The following DNAH9 variants were observed in gnomAD, a reference collection of about 807,000 sequenced individuals.
DNAH9 encodes the protein DNAH9 variant protein.
Under a neutral mutation model 471.6 loss-of-function variants are expected in DNAH9, and 345 were observed. The observed-to-expected ratio is 0.73, with a 90% confidence interval of 0.67 to 0.80. DNAH9 has a LOEUF of 0.80. Ranked by LOEUF, DNAH9 falls within the 30% of genes least tolerant of loss-of-function variation. DNAH9 has a pLI of 0.00. For missense variants in DNAH9, 5,407 were observed against 5,609.2 expected, an observed-to-expected ratio of 0.96 and a Z score of 1.15; for synonymous variants, 2,093 against 2,123.6, an observed-to-expected ratio of 0.99 and a Z score of 0.40.
intron 27 of DNAH9, among the ~76,000 whole-genome samples, chr17:11,725,380 C>T (rs1360564607): frequency 3.9e-5 from 6 of 152,170 alleles, no homozygotes; most frequent in Non-Finnish European, 8.8e-5. Flanking sequence ...TGTCTGTTTT[C>T]CTTATGGGAA....
intron 15 of DNAH9, among the ~76,000 whole-genome samples, chr17:11,667,188 G>T (rs950065768): frequency 3.3e-5 from 5 of 152,080 alleles, no homozygotes; most frequent in African/African-American, 1.2e-4. Context: ...ATGCAACTTT[G>T]TCTATTAATT....
chr17:11,683,700 C>A (rs1005452434), intron 19 of DNAH9, among the ~76,000 whole-genome samples: 14 of 151,870 alleles, frequency 9.2e-5, no homozygotes, highest in Non-Finnish European at 2.1e-4. Flanking sequence ...GTTTTTCTTT[C>A]TTTGCACTTG....
At chr17:11,730,628 G>A (rs566250049) in intron 28 of DNAH9, among the ~76,000 whole-genome samples, 1 of 152,136 alleles carries the variant, frequency 6.6e-6, no homozygotes, top group Non-Finnish European at 1.5e-5. Flanking sequence ...GTTAATAATA[G>A]CACCTCCTTG....
At chr17:11,657,516 T>C (rs2073674308) in intron 14 of DNAH9, among the ~76,000 whole-genome samples, 1 of 152,092 alleles carries the variant, frequency 6.6e-6, no homozygotes, top group African/African-American at 2.4e-5. Flanking sequence ...TATATTCTTA[T>C]TGATATATGT....
chr17:11,753,540 G>A (rs1215193576), intron 33 of DNAH9, among the ~76,000 whole-genome samples: 3 of 152,128 alleles, frequency 2.0e-5, no homozygotes, highest in African/African-American at 4.8e-5. Context: ...TGTGGCAAGC[G>A]CCTGTAATCC....
rs940249693 is a variant in DNAH9, at chr17:11,892,355, T to G, written c.11283+408T>G. 2.0e-5 allele frequency among the ~76,000 whole-genome samples: 3 copies of G among 152,146 alleles called. No homozygotes were observed. Among genetic ancestry groups the G allele is most frequent in the Admixed American group, 2.0e-4 (3 of 15,270 alleles). ...GTTTATTTACCTTTAGACTGCAAGT[T>G]TACTGATGCAGCCATCCCCCGGGAT... On this transcript the variant is annotated intron_variant, in intron 58 of 68. Transcript: ENST00000262442. The surrounding 1 kb of genome is among the most constrained non-coding windows in gnomAD (Gnocchi z 4.3).
intron 62 of DNAH9, among the ~76,000 whole-genome samples, chr17:11,924,906 G>T (rs1465638423): frequency 1.3e-5 from 2 of 152,132 alleles, no homozygotes; most frequent in East Asian, 3.9e-4. Context: ...TTACAGGCAT[G>T]AGCCACTGCG....
rs563528221 is a variant in DNAH9, at chr17:11,888,194, C to T, written c.11112+1229C>T. Among the ~76,000 whole-genome samples, 5 of 151,984 alleles carry T rather than the reference C, an allele frequency of 3.3e-5. No homozygotes were observed. The South Asian group carries it at 6.2e-4, about 19-fold the overall frequency. On this transcript the variant is annotated intron_variant, in intron 57 of 68. Transcript: ENST00000262442. ...AGAGACGGGGTTTCACTGTGTTAGC[C>T]AGGATGGTCTCGATCTCCGGACTTC...
At chr17:11,867,008 G>A (rs1031688955) in intron 50 of DNAH9, among the ~76,000 whole-genome samples, 4 of 152,212 alleles carry the variant, frequency 2.6e-5, no homozygotes, top group Admixed American at 6.5e-5. Flanking sequence ...TTCAGCTCGC[G>A]CATGGTGCGC....
chr17:11,964,457 A>C (rs1223100886), intron 68 of DNAH9, among the ~76,000 whole-genome samples: 5 of 152,220 alleles, frequency 3.3e-5, no homozygotes, highest in African/African-American at 7.2e-5. Context: ...AAACTTCCCC[A>C]AAATCAATAC....
intron 50 of DNAH9, among the ~76,000 whole-genome samples, chr17:11,860,137 A>G (rs139397308): frequency 3.9e-4 from 60 of 152,310 alleles, no homozygotes; most frequent in Non-Finnish European, 5.1e-4. Context: ...TTCCATTTCT[A>G]TTCTGTGAAC....
intron 43 of DNAH9, among the ~76,000 whole-genome samples, chr17:11,806,704 G>GA (rs879520020): frequency 2.6e-5 from 4 of 151,962 alleles, no homozygotes; most frequent in Admixed American, 6.6e-5. Flanking sequence ...ACAAACACTA[G>GA]AAAAAAGTCT....
At chr17:11,678,502 A>G (rs1193061833) in intron 17 of DNAH9, among the ~76,000 whole-genome samples, 2 of 152,226 alleles carry the variant, frequency 1.3e-5, no homozygotes, top group Non-Finnish European at 2.9e-5. Context: ...GAATTCAAGA[A>G]TAACATAAAT....
intron 14 of DNAH9, among the ~76,000 whole-genome samples, chr17:11,653,389 T>TC (rs1233996932): frequency 6.6e-6 from 1 of 152,044 alleles, no homozygotes. Flanking sequence ...ATAACCCGGC[T>TC]CCGTAGAGCC....
chr17:11,702,739 T>C (rs1371797136), intron 24 of DNAH9, among the ~76,000 whole-genome samples: 1 of 152,130 alleles, frequency 6.6e-6, no homozygotes, highest in African/African-American at 2.4e-5. Flanking sequence ...TGAGGCCATT[T>C]CAGGGGAGTG....
chr17:11,781,201 G>A (rs1462675925), intron 39 of DNAH9, 27 bp downstream of exon 39: 1 of 1,605,024 alleles, frequency 6.2e-7, no homozygotes, highest in Admixed American at 1.7e-5. Flanking sequence ...AGAGGGACTG[G>A]CCCAAGGGAG....
chr17:11,962,372 C>A lies in DNAH9; in HGVS notation c.13233+116C>A. 1.4e-6 allele frequency: 2 copies of A among 1,432,266 alleles called. No individual in the cohort carries two copies. The highest frequency in any genetic ancestry group is 2.7e-5 in the Admixed American group (1 of 36,914). 88.7% of individuals were successfully genotyped at this position (1,432,266 alleles called of 1,614,324 possible). On this transcript the variant is annotated intron_variant, in intron 68 of 68. Coordinates refer to ENST00000262442, the MANE Select transcript of DNAH9 (RefSeq NM_001372.4). The surrounding 1 kb of genome is among the most constrained non-coding windows in gnomAD (Gnocchi z 4.1). ...TCCTGAATCTTTTTCTCTAGCTAAC[C>A]TTCTTTCCTTGAGGCCATCAGGCCA...
At chr17:11,867,739 G>T (rs144687508) in intron 50 of DNAH9, among the ~76,000 whole-genome samples, 4 of 152,292 alleles carry the variant, frequency 2.6e-5, no homozygotes, top group East Asian at 1.9e-4. Context: ...GGGCAGAGCT[G>T]GTTGACTGGT....
chr17:11,916,541 C>T (rs1196938189), intron 61 of DNAH9, among the ~76,000 whole-genome samples: 3 of 152,220 alleles, frequency 2.0e-5, no homozygotes, highest in Non-Finnish European at 4.4e-5. Context: ...GGCTCCTAGT[C>T]TCAAGTCTGG....
Sources: allele counts gnomAD v4.1 joint callset (sites outside exome capture counted in the v4.1 genomes callset), GRCh38; gene constraint gnomAD v4.1.1; non-coding constraint Gnocchi (gnomAD v3.1); transcripts MANE v1.5; gene names NCBI Gene and HGNC (gene_info 2026-07-23, HGNC 2026-07-21).